OGDH: variants seen among roughly 807,000 people sequenced by gnomAD.
OGDH encodes the protein oxoglutarate dehydrogenase.
A neutral mutation model predicts 116.6 loss-of-function variants in OGDH; 38 were observed. That is an observed-to-expected ratio of 0.33 (90% CI 0.25 to 0.43). OGDH has a LOEUF of 0.43. OGDH is among the 20% of genes least tolerant of loss of function. OGDH has a pLI of 1.00. For missense variants in OGDH, 825 were observed against 1,357.2 expected (o/e 0.61, Z 6.16); for synonymous variants, 488 against 533.3 (o/e 0.92, Z 1.17).
intron 1 of OGDH, among the ~76,000 whole-genome samples, chr7:44,620,217 C>T (rs764887172): frequency 1.3e-5 from 2 of 152,206 alleles, no homozygotes; most frequent in Admixed American, 6.5e-5. Flanking sequence ...AACGGCGTTT[C>T]GCCATGTTAG....
Position 44,656,286 on chromosome 7 carries a change from G to A in OGDH, c.517+8527G>A, listed in dbSNP as rs548285117. On this transcript the variant is annotated intron_variant, in intron 4 of 22. Coordinates refer to ENST00000222673, the MANE Select transcript of OGDH (RefSeq NM_002541.4). ...CTCTCACCTGTCTTTTTCCTTCTGC[G>A]CTCACCCATGATACCCCACTCTGCC... is the stretch of plus-strand genomic sequence containing the variant. The A allele has an allele frequency of 4.5e-4, 694 of 1,535,042 alleles. 3 individuals carry two copies. Among genetic ancestry groups the A allele is most frequent in the Non-Finnish European group, 4.9e-4 (567 of 1,146,414 alleles).
chr7:44,628,271 C>T (rs747184889), intron 2 of OGDH, among the ~76,000 whole-genome samples: 2 of 152,152 alleles, frequency 1.3e-5, no homozygotes, highest in Non-Finnish European at 2.9e-5. Context: ...ATAAAATTAA[C>T]AGGCTAATTC....
chr7:44,616,155 A>G (rs1307106025), intron 1 of OGDH, among the ~76,000 whole-genome samples: 1 of 152,112 alleles, frequency 6.6e-6, no homozygotes, highest in Non-Finnish European at 1.5e-5. Context: ...GTTTTTAGCT[A>G]TATTTAGCAG....
rs144963789 is a variant in OGDH, at chr7:44,639,611, G to A, written c.223-5716G>A. Among the ~76,000 whole-genome samples, 207 of 152,240 alleles carry A rather than the reference G, an allele frequency of 1.4e-3. 3 individuals carry two copies. Among genetic ancestry groups the A allele is most frequent in the African/African-American group, 4.5e-3 (187 of 41,538 alleles). ...CCAAATGTGTGCAGTCACTACACTC[G>A]ATACAAAACATTCTATCACTCAATT... is the stretch of plus-strand genomic sequence containing the variant. On this transcript the variant is annotated intron_variant, in intron 2 of 22. Transcript: ENST00000222673.
chr7:44,635,506 G>T (rs1172778476), intron 2 of OGDH, among the ~76,000 whole-genome samples: 1 of 152,094 alleles, frequency 6.6e-6, no homozygotes, highest in Non-Finnish European at 1.5e-5. Context: ...ACGTGGGTGG[G>T]CTGGGCTTGT....
At position 44,696,042 on chromosome 7, in the gene OGDH, T is replaced by C. The variant is rs765071641; in HGVS notation, c.1686T>C (p.Tyr562=). 3 of 1,610,200 alleles carry C rather than the reference T, an allele frequency of 1.9e-6. No homozygotes were observed. Among genetic ancestry groups the C allele is most frequent in the East Asian group, 4.5e-5 (2 of 44,866 alleles). ...CCCTCCAGGAGGAAATTTCCAAGTA[T>C]GATAAGATCTGTGAGGAAGCTTTTG... ...QPEYEEEISK[Y]DKICEEAFAR... is the part of the protein sequence containing the mutation. Residue 562 remains tyrosine (Y), a synonymous_variant, in exon 13 of 23, where the codon TAT becomes TAC. Coordinates refer to ENST00000222673, the MANE Select transcript of OGDH (RefSeq NM_002541.4).
In OGDH at chr7:44,700,179, T is replaced by C; in HGVS notation, c.2469T>C (p.Tyr823=). Residue 823 remains tyrosine (Y), a synonymous_variant, in exon 19 of 23, where the codon TAT becomes TAC. Transcript: ENST00000222673. Reference sequence around the variant, plus strand: ...CCAACTTCGACATCAATCAGCTATATGACTGCAATTGGGTTGTTGTCAACT... The same window carrying C: ...CCAACTTCGACATCAATCAGCTATACGACTGCAATTGGGTTGTTGTCAACT... ...KEANFDINQL[Y]DCNWVVVNCS... 6.2e-7 allele frequency: 1 copy of C among 1,614,226 alleles called. No individual in the cohort carries two copies. The highest frequency in any genetic ancestry group is 1.6e-4 in the Middle Eastern group (1 of 6,062).
intron 1 of OGDH, among the ~76,000 whole-genome samples, chr7:44,619,414 A>G (rs1784924514): frequency 6.6e-6 from 1 of 152,182 alleles, no homozygotes; most frequent in African/African-American, 2.4e-5. Flanking sequence ...GCTTATTGGT[A>G]GGGAGAATTC....
At chr7:44,696,840 TG>T in intron 14 of OGDH, 73 bp from the exon 15 acceptor site, 2 of 1,493,318 alleles carry the variant, frequency 1.3e-6, no homozygotes, top group South Asian at 2.6e-5. Flanking sequence ...GCTCTTGCCA[TG>T]GGCACGCTGA....
intron 1 of OGDH, among the ~76,000 whole-genome samples, chr7:44,611,791 T>G (rs1784578198): frequency 6.6e-6 from 1 of 151,978 alleles, no homozygotes; most frequent in Non-Finnish European, 1.5e-5. Context: ...TTTTTTTATG[T>G]TTTCACTTTA....
rs1175741464 is a variant in OGDH at position 44,672,637 on chromosome 7, G to GTTTTTTT, written c.634-1144_634-1143insTTTTTTT. On this transcript the variant is annotated intron_variant, in intron 5 of 22. Transcript: ENST00000222673. ...GGCAGCCCGAGAGGGATTTCTTTTT[G>GTTTTTTT]TTTTTTGTTTTTTTTTTTTTTTTGA... Among the ~76,000 whole-genome samples, 5 of 135,838 alleles carry GTTTTTTT rather than the reference G, an allele frequency of 3.7e-5. 1 individual carries two copies. The highest frequency in any genetic ancestry group is 1.2e-4 in the African/African-American group (4 of 33,144). The allele number at this position is 135,838 out of a possible 152,430, so 89.1% of individuals were successfully genotyped here. A position where few individuals can be genotyped will look rare whatever the true frequency, so the allele number is the denominator to read the frequency against.
chr7:44,640,588 C>G (rs777075792), intron 2 of OGDH, among the ~76,000 whole-genome samples: 1 of 152,216 alleles, frequency 6.6e-6, no homozygotes, highest in African/African-American at 2.4e-5. Context: ...GCTGTCTGTA[C>G]AGCTGGAGAG....
At chr7:44,641,344 G>C (rs1326887938) in intron 2 of OGDH, among the ~76,000 whole-genome samples, 2 of 147,836 alleles carry the variant, frequency 1.4e-5, no homozygotes, top group East Asian at 4.1e-4. Flanking sequence ...TCATGCCCCA[G>C]CCTCCCAAGT....
At chr7:44,612,911 C>T (rs1784621810) in intron 1 of OGDH, among the ~76,000 whole-genome samples, 1 of 147,668 alleles carries the variant, frequency 6.8e-6, no homozygotes. Flanking sequence ...GACGGAGTGT[C>T]ACTCTGTCGC....
rs57529168 is a variant in OGDH, at chr7:44,696,993, G to C, written c.1980G>C (p.Ala660=). ...ACTGGGCTCTAGCGGAGTACATGGC[G>C]TTTGGCTCGCTCCTGAAGGAGGGCA... ...TVDWALAEYM[A]FGSLLKEGIH... is the part of the protein sequence containing the mutation. The change falls in exon 15 of 23, where the codon GCG becomes GCC. Residue 660 remains alanine, a synonymous_variant. Transcript: ENST00000222673. 29 of 1,614,112 alleles carry C rather than the reference G, an allele frequency of 1.8e-5. No individual in the cohort carries two copies. The highest frequency in any genetic ancestry group is 2.7e-5 in the African/African-American group (2 of 74,950).
At chr7:44,615,646 C>T (rs1585216613) in intron 1 of OGDH, among the ~76,000 whole-genome samples, 1 of 152,270 alleles carries the variant, frequency 6.6e-6, no homozygotes, top group Non-Finnish European at 1.5e-5. Flanking sequence ...GAACAGGTTT[C>T]TGTTTGTAGT....
At chr7:44,660,899 G>T (rs990815228) in intron 4 of OGDH, among the ~76,000 whole-genome samples, 1 of 152,052 alleles carries the variant, frequency 6.6e-6, no homozygotes, top group Admixed American at 6.6e-5. Flanking sequence ...CTATACTCTG[G>T]CCTGGGTGAC....
chr7:44,657,547 A>G (rs1786745266), intron 4 of OGDH, among the ~76,000 whole-genome samples: 1 of 152,166 alleles, frequency 6.6e-6, no homozygotes, highest in African/African-American at 2.4e-5. Flanking sequence ...TTCTTTGGCT[A>G]ATAGGATCTT....
intron 10 of OGDH, among the ~76,000 whole-genome samples, chr7:44,688,229 G>C (rs1277194822): frequency 6.6e-6 from 1 of 151,802 alleles, no homozygotes; most frequent in Admixed American, 6.6e-5. Flanking sequence ...AAATTAGCCA[G>C]GCGTGGTGGC....
Sources: allele counts gnomAD v4.1 joint callset (sites outside exome capture counted in the v4.1 genomes callset), GRCh38; gene constraint gnomAD v4.1.1; transcripts MANE v1.5; gene names NCBI Gene and HGNC (gene_info 2026-07-23, HGNC 2026-07-21).